The following NALF1 variants were observed in gnomAD, a reference collection of about 807,000 sequenced individuals.
The protein encoded by NALF1 is family with sequence similarity 155 member A.
NALF1 carries 3 observed loss-of-function variants against 48.4 expected under a neutral mutation model. That is an observed-to-expected ratio of 0.06 (90% CI 0.03 to 0.16). The LOEUF is 0.16. NALF1 is among the 10% of genes least tolerant of loss of function. The pLI is 1.00. For missense variants in NALF1, 526 were observed against 571.5 expected (o/e 0.92, Z 0.81); for synonymous variants, 262 against 245.7 (o/e 1.07, Z -0.62).
At chr13:107,577,041 A>C (rs146715672) in intron 1 of NALF1, among the ~76,000 whole-genome samples, 326 of 152,266 alleles carry the variant, frequency 2.1e-3, no homozygotes, top group Admixed American at 4.2e-3. Context: ...AAGTAACATA[A>C]ACTTGTTTCT....
At chr13:107,735,922 T>A (rs527741736) in intron 1 of NALF1, among the ~76,000 whole-genome samples, 1 of 152,254 alleles carries the variant, frequency 6.6e-6, no homozygotes, top group East Asian at 1.9e-4. Flanking sequence ...TTCTAACTAT[T>A]TTTTTAGTAA....
chr13:107,773,343 C>T (rs1382927025), intron 1 of NALF1, among the ~76,000 whole-genome samples: 1 of 152,092 alleles, frequency 6.6e-6, no homozygotes, highest in African/African-American at 2.4e-5. Context: ...ATAAATCATA[C>T]TCAGAATAAA....
At chr13:107,623,698 G>A (rs1283934259) in intron 1 of NALF1, among the ~76,000 whole-genome samples, 1 of 152,178 alleles carries the variant, frequency 6.6e-6, no homozygotes, top group African/African-American at 2.4e-5. Flanking sequence ...TTGGCCTTCT[G>A]TGCTCCCTCA....
At chr13:107,593,387 T>C (rs1329486985) in intron 1 of NALF1, among the ~76,000 whole-genome samples, 8 of 151,982 alleles carry the variant, frequency 5.3e-5, no homozygotes, top group Non-Finnish European at 8.8e-5. Context: ...AATTTTATTA[T>C]AATTCTTGAG....
At chr13:107,721,423 C>T (rs527563206) in intron 1 of NALF1, among the ~76,000 whole-genome samples, 14 of 152,234 alleles carry the variant, frequency 9.2e-5, no homozygotes, top group Non-Finnish European at 1.9e-4. Flanking sequence ...AGAGTCAATA[C>T]CTACAGATGG....
At chr13:107,796,940 T>C (rs1878443784) in intron 1 of NALF1, among the ~76,000 whole-genome samples, 2 of 152,178 alleles carry the variant, frequency 1.3e-5, no homozygotes, top group South Asian at 4.1e-4. Context: ...ACTTCTGTCA[T>C]ACTCATACCT....
At chr13:107,181,782 T>G (rs1266620290) in intron 2 of NALF1, among the ~76,000 whole-genome samples, 2 of 152,116 alleles carry the variant, frequency 1.3e-5, no homozygotes, top group African/African-American at 4.8e-5. Flanking sequence ...AGAAAGTTCA[T>G]AAACACATTT....
At chr13:107,764,897 T>C (rs1051810579) in intron 1 of NALF1, among the ~76,000 whole-genome samples, 7 of 152,168 alleles carry the variant, frequency 4.6e-5, no homozygotes, top group South Asian at 2.1e-4. Context: ...TTTCCAGACA[T>C]TGAACTGAAA....
chr13:107,349,464 CG>C (rs1566492284), intron 1 of NALF1, among the ~76,000 whole-genome samples: 1 of 151,988 alleles, frequency 6.6e-6, no homozygotes, highest in African/African-American at 2.4e-5. Flanking sequence ...AACTGAGGGC[CG>C]GGTGCAGTGG....
chr13:107,670,318 A>G (rs1343110902), intron 1 of NALF1, among the ~76,000 whole-genome samples: 3 of 152,090 alleles, frequency 2.0e-5, no homozygotes, highest in Non-Finnish European at 4.4e-5. Context: ...ACACACACAC[A>G]GGCACACACA....
intron 1 of NALF1, among the ~76,000 whole-genome samples, chr13:107,600,742 T>C (rs895213076): frequency 9.9e-5 from 15 of 152,146 alleles, no homozygotes; most frequent in African/African-American, 3.1e-4. Flanking sequence ...ACAATAAAAG[T>C]AGCTTGAGAT....
intron 1 of NALF1, among the ~76,000 whole-genome samples, chr13:107,351,349 G>A (rs1882868594): frequency 6.6e-6 from 1 of 152,104 alleles, no homozygotes; most frequent in Non-Finnish European, 1.5e-5. Context: ...AATAAAATAG[G>A]ACCAGAAATG....
chr13:107,826,702 A>G (rs1022770867), intron 1 of NALF1, among the ~76,000 whole-genome samples: 1 of 152,214 alleles, frequency 6.6e-6, no homozygotes, highest in Non-Finnish European at 1.5e-5. Flanking sequence ...GTCAACTCAC[A>G]AAGAGAACTT....
At chr13:107,650,506 C>G (rs1880426267) in intron 1 of NALF1, among the ~76,000 whole-genome samples, 1 of 151,086 alleles carries the variant, frequency 6.6e-6, no homozygotes, top group African/African-American at 2.4e-5. Context: ...ATCGTATGTT[C>G]TCACTGATAG....
chr13:107,292,010 G>A (rs1881630626), intron 1 of NALF1, among the ~76,000 whole-genome samples: 1 of 152,110 alleles, frequency 6.6e-6, no homozygotes, highest in Admixed American at 6.5e-5. Flanking sequence ...GCTTAACAAT[G>A]GGGATATGTC....
chr13:107,823,481 A>G (rs1879417711), intron 1 of NALF1, among the ~76,000 whole-genome samples: 1 of 152,136 alleles, frequency 6.6e-6, no homozygotes, highest in African/African-American at 2.4e-5. Flanking sequence ...ACCACGGCCA[A>G]GAACCCATGT....
At chr13:107,173,936 C>T (rs1878857639) in intron 2 of NALF1, among the ~76,000 whole-genome samples, 1 of 152,190 alleles carries the variant, frequency 6.6e-6, no homozygotes, top group South Asian at 2.1e-4. Context: ...CTTAACTCTG[C>T]TTTCAGGGAA....
chr13:107,633,819 T>G (rs1278024440), intron 1 of NALF1, among the ~76,000 whole-genome samples: 2 of 147,558 alleles, frequency 1.4e-5, no homozygotes, highest in Admixed American at 6.8e-5. Context: ...TACATACATA[T>G]CCTGTTTTAC....
chr13:107,201,776 A>G (rs1879526517), intron 2 of NALF1, among the ~76,000 whole-genome samples: 1 of 152,174 alleles, frequency 6.6e-6, no homozygotes, highest in South Asian at 2.1e-4. Flanking sequence ...AAAAAAGACT[A>G]AAACATGGCA....
Sources: gnomAD v4.1 joint callset for allele counts (sites outside exome capture counted in the v4.1 genomes callset) on GRCh38, gnomAD v4.1.1 for gene constraint, MANE v1.5 for transcripts, NCBI Gene and HGNC (gene_info 2026-07-23, HGNC 2026-07-21) for gene names.